MARK3: variants seen among roughly 807,000 people sequenced by gnomAD.
MARK3 encodes microtubule affinity regulating kinase 3.
A neutral mutation model predicts 90.1 loss-of-function variants in MARK3; 46 were observed. The ratio of observed to expected loss-of-function variants is 0.51; its 90% CI spans 0.40 to 0.65. The LOEUF is 0.65. Among genes scored for constraint, MARK3 ranks in the 30% least tolerant of loss-of-function variants. The pLI is 0.00. For missense variants in MARK3, 818 were observed against 947.2 expected, an observed-to-expected ratio of 0.86 and a Z score of 1.79; for synonymous variants, 321 against 332.6, an observed-to-expected ratio of 0.97 and a Z score of 0.38.
chr14:103,424,620 T>TA (rs1434284349), intron 2 of MARK3, among the ~76,000 whole-genome samples: 4 of 151,160 alleles, frequency 2.6e-5, no homozygotes, highest in Non-Finnish European at 5.9e-5. Context: ...GGTGTGAAAA[T>TA]AGAAACCACG....
chr14:103,448,879 T>A, intron 3 of MARK3, 40 bp from the exon 4 acceptor site: 1 of 685,248 alleles, frequency 1.5e-6, no homozygotes, highest in Non-Finnish European at 2.2e-6. Context: ...TAATAACTTG[T>A]GTTGGGGGGA....
chr14:103,483,744 C>G (rs972273886), intron 14 of MARK3, among the ~76,000 whole-genome samples: 3 of 152,140 alleles, frequency 2.0e-5, no homozygotes, highest in African/African-American at 7.2e-5. Context: ...AATTATTCTG[C>G]CTTCTGATGT....
chr14:103,456,044 G>T (rs2093271226), intron 5 of MARK3, among the ~76,000 whole-genome samples: 1 of 152,176 alleles, frequency 6.6e-6, no homozygotes, highest in South Asian at 2.1e-4. Flanking sequence ...GCAGTTGACA[G>T]TGCTAATAAT....
chr14:103,465,873 A>G (rs759302014), intron 8 of MARK3, 80 bp downstream of exon 8: 44 of 1,539,844 alleles, frequency 2.9e-5, no homozygotes, highest in Admixed American at 5.8e-5. Context: ...TTTTAACATT[A>G]TATCAGTGCG....
intron 3 of MARK3, among the ~76,000 whole-genome samples, chr14:103,446,411 G>T (rs970139038): frequency 2.6e-5 from 4 of 151,992 alleles, no homozygotes; most frequent in Admixed American, 2.6e-4. Context: ...AATCCTAGCT[G>T]CTCTGGAGGC....
chr14:103,392,676 T>G (rs1387149574), intron 1 of MARK3, among the ~76,000 whole-genome samples: 1 of 152,172 alleles, frequency 6.6e-6, no homozygotes, highest in Non-Finnish European at 1.5e-5. Context: ...TAAAAAAAAC[T>G]GTTTATTAAA....
At chr14:103,465,920 C>T (rs2093493423) in intron 8 of MARK3, 52 bp from the exon 9 acceptor site, 5 of 1,586,668 alleles carry the variant, frequency 3.2e-6, no homozygotes, top group East Asian at 2.2e-5. Flanking sequence ...GTTTTGTTAA[C>T]TAAACCTAAA....
chr14:103,459,175 A>G (rs2093344067), intron 6 of MARK3, among the ~76,000 whole-genome samples: 1 of 152,178 alleles, frequency 6.6e-6, no homozygotes, highest in Non-Finnish European at 1.5e-5. Flanking sequence ...TCTGACTTGC[A>G]AACATGTGTG....
intron 2 of MARK3, chr14:103,412,529 C>T (rs1024697778): frequency 3.7e-6 from 2 of 546,788 alleles, no homozygotes; most frequent in East Asian, 4.3e-5. Context: ...GGGGGATATC[C>T]GTGGCCTTGG....
chr14:103,487,811 G>A (rs962867156), intron 14 of MARK3, among the ~76,000 whole-genome samples: 2 of 152,188 alleles, frequency 1.3e-5, no homozygotes, highest in African/African-American at 4.8e-5. Context: ...CACTTTGGGA[G>A]GCTGAGCCGG....
At position 103,398,586 on chromosome 14, in the gene MARK3, G is replaced by A. The variant is rs575331651; in HGVS notation, c.52-6490G>A. ...AGGGTCTTGCTATGTTTGCCCAGGC[G>A]GGTCTCAAACTTCCGGGTTTAAGCA... is the stretch of plus-strand genomic sequence containing the variant. On this transcript the variant is annotated intron_variant, in intron 1 of 17. Transcript: ENST00000429436. 1.1e-4 allele frequency among the ~76,000 whole-genome samples: 16 copies of A among 152,198 alleles called. No individual in the cohort carries two copies. In the South Asian group the frequency reaches 1.2e-3, roughly 12 times the overall value.
intron 15 of MARK3, among the ~76,000 whole-genome samples, chr14:103,493,783 G>A (rs959571163): frequency 6.7e-6 from 1 of 149,818 alleles, no homozygotes; most frequent in African/African-American, 2.5e-5. Context: ...GCTGAGACAG[G>A]AGAATTGCTT....
chr14:103,452,037 A>G, intron 5 of MARK3, 54 bp downstream of exon 5: 1 of 1,135,022 alleles, frequency 8.8e-7, no homozygotes, highest in Non-Finnish European at 1.3e-6. Context: ...TTTTAAAAAA[A>G]TACACAACCA....
intron 3 of MARK3, among the ~76,000 whole-genome samples, chr14:103,430,597 A>C (rs2092553744): frequency 6.6e-6 from 1 of 152,196 alleles, no homozygotes; most frequent in Non-Finnish European, 1.5e-5. Context: ...AGCAGTGTGC[A>C]ATCTCTTTTT....
intron 3 of MARK3, among the ~76,000 whole-genome samples, chr14:103,435,713 A>G (rs1318794853): frequency 6.7e-6 from 1 of 148,760 alleles, no homozygotes; most frequent in African/African-American, 2.5e-5. Context: ...CGGCCTATTT[A>G]TTTTTTATTG....
In MARK3 at chr14:103,502,333, AG is replaced by A. The variant is rs1412675250; in HGVS notation, c.1917-547del. Among the ~76,000 whole-genome samples, 3 of 152,376 alleles carry A rather than the reference AG, an allele frequency of 2.0e-5. No homozygotes were observed. The East Asian group carries it at 5.8e-4, about 29-fold the overall frequency. ...TGGACGTTTAATTAACAAACCAGAG[AG>A]GAGGAAAAACAATGAGGTGGGTAGA... On this transcript the variant is annotated intron_variant, in intron 17 of 17. Coordinates refer to ENST00000429436, the MANE Select transcript of MARK3 (RefSeq NM_001128918.3).
At chr14:103,416,937 G>A (rs1373690374) in intron 2 of MARK3, among the ~76,000 whole-genome samples, 2 of 152,190 alleles carry the variant, frequency 1.3e-5, no homozygotes, top group African/African-American at 4.8e-5. Context: ...GCTACGATGA[G>A]GAGATGTATT....
intron 1 of MARK3, among the ~76,000 whole-genome samples, chr14:103,398,932 C>T (rs149547452): frequency 2.7e-3 from 412 of 152,280 alleles, no homozygotes; most frequent in African/African-American, 9.5e-3. Flanking sequence ...TGTAAGGGCA[C>T]ACTTCTTTTG....
intron 15 of MARK3, among the ~76,000 whole-genome samples, chr14:103,494,401 A>G (rs373616479): frequency 1.3e-4 from 19 of 151,494 alleles, no homozygotes; most frequent in African/African-American, 4.1e-4. Context: ...AAAATACAAA[A>G]TTAGCCGGGC....
Sources: gnomAD v4.1 joint callset for allele counts (sites outside exome capture counted in the v4.1 genomes callset) on GRCh38, gnomAD v4.1.1 for gene constraint, MANE v1.5 for transcripts, NCBI Gene and HGNC (gene_info 2026-07-23, HGNC 2026-07-21) for gene names.